Variants in CELF2 observed in about 807,000 individuals in gnomAD.
The protein encoded by CELF2 is CUG triplet repeat RNA-binding protein 2.
In CELF2, 8 loss-of-function variants were observed where a neutral mutation model predicts 62.6. The ratio of observed to expected loss-of-function variants is 0.13; its 90% CI spans 0.07 to 0.23. The LOEUF is 0.23. CELF2 is among the 10% of genes least tolerant of loss of function. CELF2 has a pLI of 1.00. For missense variants in CELF2, 333 were observed against 671.0 expected (o/e 0.50, Z 5.56); for synonymous variants, 258 against 250.0 (o/e 1.03, Z -0.30).
At chr10:11,161,063 G>A (rs1367044755) in intron 1 of CELF2, among the ~76,000 whole-genome samples, 2 of 152,254 alleles carry the variant, frequency 1.3e-5, no homozygotes, top group South Asian at 2.1e-4. Flanking sequence ...TGATTAGAGG[G>A]ACCTCAGAAG....
At chr10:10,677,992 C>T in the CELF2 span, among the ~76,000 whole-genome samples, 1 of 152,114 alleles carries the variant, frequency 6.6e-6, no homozygotes, top group African/African-American at 2.4e-5. Context: ...ATAACATGAC[C>T]TAGTAAGTTA....
upstream of CELF2, among the ~76,000 whole-genome samples, chr10:10,795,239 C>CTT (rs10551602): frequency 2.2e-5 from 3 of 134,744 alleles, no homozygotes; most frequent in Non-Finnish European, 1.6e-5. Flanking sequence ...ATGGATTCAA[C>CTT]TTTTTTTTTT....
chr10:10,893,330 A>G (rs546097530), intron 1 of CELF2, among the ~76,000 whole-genome samples: 3 of 152,336 alleles, frequency 2.0e-5, no homozygotes, highest in Non-Finnish European at 4.4e-5. Flanking sequence ...TGGAAGTGCC[A>G]TGATACATGA....
intron 2 of CELF2, among the ~76,000 whole-genome samples, chr10:11,176,213 C>A (rs965161021): frequency 6.6e-6 from 1 of 152,184 alleles, no homozygotes; most frequent in Non-Finnish European, 1.5e-5. Context: ...TGGTTCCCCT[C>A]CCTATAGGGA....
chr10:10,838,914 C>A (rs970399860), intron 1 of CELF2, among the ~76,000 whole-genome samples: 24 of 151,952 alleles, frequency 1.6e-4, no homozygotes, highest in Admixed American at 1.4e-3. Context: ...CCGAGGCGGG[C>A]AGGTCACGAG....
At position 11,117,590 on chromosome 10, in the gene CELF2, TAAAAAC is replaced by T. The variant is rs2056837127; in HGVS notation, c.75-47889_75-47884del. On this transcript the variant is annotated intron_variant, in intron 1 of 12. Coordinates refer to ENST00000633077, the MANE Select transcript of CELF2 (RefSeq NM_001326342.2). This position sits in a 1 kb window ranked among gnomAD's most constrained non-coding sequence, Gnocchi z 4.1. ...ATGTCTGACTCCATAATATTTATGA[TAAAAAC>T]AAAAACCACGTGTGTGATGGTATCA... is the stretch of plus-strand genomic sequence containing the variant. Among the ~76,000 whole-genome samples the T allele has an allele frequency of 6.6e-6, 1 of 152,126 alleles. No homozygotes were observed. The highest frequency in any genetic ancestry group is 6.5e-5 in the Admixed American group (1 of 15,276).
intron 1 of CELF2, among the ~76,000 whole-genome samples, chr10:10,837,041 C>T (rs1381439769): frequency 6.6e-6 from 1 of 152,184 alleles, no homozygotes; most frequent in Non-Finnish European, 1.5e-5. Context: ...AACTCTTACA[C>T]CAGGAATTCC....
At chr10:11,283,506 GGATAATGGATGGATGGGT>G (rs1299208794) in intron 8 of CELF2, among the ~76,000 whole-genome samples, 1 of 152,060 alleles carries the variant, frequency 6.6e-6, no homozygotes, top group Non-Finnish European at 1.5e-5. Context: ...GTGAGTGGGT[GGATAATGGATGGATGGGT>G]GATAATGGAT....
chr10:11,160,715 T>C (rs2065527751), intron 1 of CELF2, among the ~76,000 whole-genome samples: 1 of 152,146 alleles, frequency 6.6e-6, no homozygotes, highest in East Asian at 1.9e-4. Context: ...ATTTTCTATC[T>C]TTACGCACAA....
intron 2 of CELF2, among the ~76,000 whole-genome samples, chr10:11,198,223 C>T (rs919699538): frequency 1.2e-4 from 18 of 152,182 alleles, no homozygotes; most frequent in African/African-American, 2.9e-4. Flanking sequence ...TATTCTGTTC[C>T]GTGTGGCAGT....
intron 1 of CELF2, among the ~76,000 whole-genome samples, chr10:11,150,123 T>C (rs2132627039): frequency 6.6e-6 from 1 of 152,388 alleles, no homozygotes; most frequent in Non-Finnish European, 1.5e-5. Flanking sequence ...TGTTTCATTG[T>C]TGTCTTTACT....
At chr10:11,320,826 GTT>G (rs35548374) in intron 10 of CELF2, 105,656 of 1,315,676 alleles carry the variant, frequency 0.08, 2 homozygotes, top group Non-Finnish European at 0.088. Flanking sequence ...TGCTACTAAG[GTT>G]TTTTTTTTTT....
chr10:11,284,477 TGGATGAGGGATGAGTGTGTGGTGGG>T (rs1286712233), intron 8 of CELF2, among the ~76,000 whole-genome samples: 3,703 of 139,688 alleles, frequency 0.027, 2 homozygotes, highest in Middle Eastern at 0.036. Flanking sequence ...GTGTGGTGGG[TGGATGAGGGATGAGTGTGTGGTGGG>T]GGATGAGGGA....
the CELF2 span, among the ~76,000 whole-genome samples, chr10:10,650,912 G>A: frequency 2.0e-5 from 3 of 150,090 alleles, no homozygotes; most frequent in Admixed American, 6.7e-5. Flanking sequence ...AGCTCCCAGC[G>A]TGAGCGACGC....
At chr10:10,667,831 T>A in the CELF2 span, among the ~76,000 whole-genome samples, 1 of 152,210 alleles carries the variant, frequency 6.6e-6, no homozygotes, top group African/African-American at 2.4e-5. Flanking sequence ...CAGCCAGGAT[T>A]ATCCTGAGCC....
At chr10:11,013,247 G>T (rs570102714), upstream of CELF2, among the ~76,000 whole-genome samples, 242 of 152,312 alleles carry the variant, frequency 1.6e-3, 1 homozygote, top group Admixed American at 6.4e-3. The surrounding 1 kb of genome is among the most constrained non-coding windows in gnomAD (Gnocchi z 4.1). Context: ...TGAGAGAGAG[G>T]AGGAGAAAAG....
At chr10:11,092,760 G>C (rs1026015895) in intron 1 of CELF2, among the ~76,000 whole-genome samples, 1 of 152,226 alleles carries the variant, frequency 6.6e-6, no homozygotes, top group African/African-American at 2.4e-5. Flanking sequence ...GAAGGTGAGA[G>C]TGGCCCTCTT....
chr10:10,891,987 A>G (rs570788305), intron 1 of CELF2, among the ~76,000 whole-genome samples: 1 of 152,208 alleles, frequency 6.6e-6, no homozygotes, highest in Non-Finnish European at 1.5e-5. Flanking sequence ...CTTATTCTTT[A>G]AAATATGTTT....
intron 3 of CELF2, among the ~76,000 whole-genome samples, chr10:11,219,364 C>T (rs2064153867): frequency 6.6e-6 from 1 of 152,136 alleles, no homozygotes; most frequent in African/African-American, 2.4e-5. Flanking sequence ...AAATATTGTA[C>T]GTGTGTTACT....
Sources: allele counts gnomAD v4.1 joint callset (sites outside exome capture counted in the v4.1 genomes callset), GRCh38; gene constraint gnomAD v4.1.1; non-coding constraint Gnocchi (gnomAD v3.1); transcripts MANE v1.5; gene names NCBI Gene and HGNC (gene_info 2026-07-23, HGNC 2026-07-21).